The following CLPB variants were observed in gnomAD, a reference collection of about 807,000 sequenced individuals.
CLPB encodes ClpB family mitochondrial disaggregase, also known as mitochondrial disaggregase.
In CLPB, 40 loss-of-function variants were observed where a neutral mutation model predicts 78.4. The ratio of observed to expected loss-of-function variants is 0.51; its 90% CI spans 0.40 to 0.66. The LOEUF (loss-of-function observed/expected upper bound fraction) is 0.66, where lower values mean the gene tolerates loss of function less well. CLPB is among the 30% of genes least tolerant of loss of function. CLPB has a pLI of 0.00. For synonymous variants in CLPB, 333 were observed against 348.0 expected, an observed-to-expected ratio of 0.96 and a Z score of 0.48; for missense variants, 780 against 886.9, an observed-to-expected ratio of 0.88 and a Z score of 1.53.
intron 3 of CLPB, among the ~76,000 whole-genome samples, chr11:72,396,747 T>C (rs547971463): frequency 1.3e-5 from 2 of 152,184 alleles, no homozygotes; most frequent in Non-Finnish European, 2.9e-5. Context: ...TGCATATCAC[T>C]CTAATGTGAG....
chr11:72,350,896 T>A lies in CLPB; in HGVS notation c.775+7984A>T, dbSNP rs534552932. ...TTTAAAGTACACAATTTAGAGGAGG[T>A]TTCTCGTATACTTAGAGAGTTGTGC... is the stretch of plus-strand genomic sequence containing the variant. On this transcript the variant is annotated intron_variant, in intron 5 of 15. Coordinates refer to ENST00000538039, the MANE Select transcript of CLPB (RefSeq NM_001258392.3). Among the ~76,000 whole-genome samples the A allele has an allele frequency of 2.0e-5, 3 of 152,276 alleles. No individual in the cohort carries two copies. In the South Asian group the frequency reaches 6.2e-4, roughly 32 times the overall value.
Position 72,429,573 on chromosome 11 carries a change from G to C in CLPB, c.455+739C>G, listed in dbSNP as rs527588523. ...AGCTCTATATAAATGGCCAAGAGAG[G>C]CCAAGGTTAGGCCCAGTGGGGGGCA... is the stretch of plus-strand genomic sequence containing the variant. On this transcript the variant is annotated intron_variant, in intron 2 of 15. Transcript: ENST00000538039. Among the ~76,000 whole-genome samples the C allele has an allele frequency of 2.0e-5, 3 of 152,304 alleles. No individual in the cohort carries two copies. The South Asian group carries it at 6.2e-4, about 32-fold the overall frequency.
chr11:72,420,587 C>T (rs577721482), intron 2 of CLPB, among the ~76,000 whole-genome samples: 35 of 152,258 alleles, frequency 2.3e-4, no homozygotes, highest in Non-Finnish European at 4.9e-4. Context: ...TGGTCTGCTG[C>T]CCTCCAAAAC....
chr11:72,346,064 C>T (rs536970660), intron 5 of CLPB, among the ~76,000 whole-genome samples: 11 of 152,156 alleles, frequency 7.2e-5, no homozygotes, highest in African/African-American at 2.7e-4. Context: ...CGAAAGAACC[C>T]GTCAGGATTA....
chr11:72,400,773 T>C (rs923997918), intron 3 of CLPB, among the ~76,000 whole-genome samples: 4 of 152,220 alleles, frequency 2.6e-5, no homozygotes, highest in African/African-American at 9.6e-5. Flanking sequence ...CTGTAGCACA[T>C]ACATTACCTT....
At chr11:72,332,245 G>A (rs1378176340) in intron 5 of CLPB, among the ~76,000 whole-genome samples, 1 of 151,820 alleles carries the variant, frequency 6.6e-6, no homozygotes, top group African/African-American at 2.4e-5. Flanking sequence ...CAATTTGGGA[G>A]GCTGAGGTGG....
At chr11:72,355,634 G>A (rs1349232805) in intron 5 of CLPB, among the ~76,000 whole-genome samples, 5 of 152,128 alleles carry the variant, frequency 3.3e-5, no homozygotes, top group Non-Finnish European at 7.3e-5. Context: ...TGGGTAAACT[G>A]GGATTCAAAC....
chr11:72,340,578 AATG>A (rs1348046486), intron 5 of CLPB, among the ~76,000 whole-genome samples: 1 of 152,198 alleles, frequency 6.6e-6, no homozygotes, highest in Non-Finnish European at 1.5e-5. Flanking sequence ...AGGCAAGTTC[AATG>A]GGTAGAATGC....
chr11:72,420,033 G>A (rs1856145977), intron 2 of CLPB, among the ~76,000 whole-genome samples: 1 of 152,146 alleles, frequency 6.6e-6, no homozygotes, highest in Admixed American at 6.6e-5. Flanking sequence ...TACACAGTTT[G>A]CTTAATTTTT....
intron 5 of CLPB, among the ~76,000 whole-genome samples, chr11:72,342,912 A>T (rs1950446785): frequency 6.6e-6 from 1 of 152,220 alleles, no homozygotes; most frequent in African/African-American, 2.4e-5. Flanking sequence ...GGCTGAGGAA[A>T]GGGCACACAA....
At chr11:72,379,138 T>C (rs77776790) in intron 4 of CLPB, among the ~76,000 whole-genome samples, 2,622 of 152,292 alleles carry the variant, frequency 0.017, 67 homozygotes, top group African/African-American at 0.06. Context: ...ACCGCTACTC[T>C]GAGTTACCAC....
rs531048301 is a variant in CLPB at position 72,334,931 on chromosome 11, C to T, written c.776-5127G>A. Among the ~76,000 whole-genome samples, 8 of 152,384 alleles carry T rather than the reference C, an allele frequency of 5.2e-5. No individual in the cohort carries two copies. In the East Asian group the frequency reaches 9.6e-4, roughly 18 times the overall value. Reference sequence around the variant, plus strand: ...GACTGGCTTCCTGGCAGCACTGCTGCGGCTGCGCCTGCCCGCTACAGCTGT... The same window carrying T: ...GACTGGCTTCCTGGCAGCACTGCTGTGGCTGCGCCTGCCCGCTACAGCTGT... On this transcript the variant is annotated intron_variant, in intron 5 of 15. Transcript: ENST00000538039.
intron 2 of CLPB, among the ~76,000 whole-genome samples, chr11:72,407,837 C>T (rs1373213295): frequency 6.6e-6 from 1 of 152,078 alleles, no homozygotes; most frequent in Non-Finnish European, 1.5e-5. Flanking sequence ...TTAGCAGAGA[C>T]GGGGTTTCAC....
intron 4 of CLPB, among the ~76,000 whole-genome samples, chr11:72,377,857 A>G (rs1854764973): frequency 6.6e-6 from 1 of 152,270 alleles, no homozygotes; most frequent in African/African-American, 2.4e-5. Context: ...TTATTGAAAC[A>G]TATCCACATC....
chr11:72,340,980 C>T (rs113505743), intron 5 of CLPB, among the ~76,000 whole-genome samples: 1,569 of 152,226 alleles, frequency 0.01, 30 homozygotes, highest in East Asian at 0.064. Flanking sequence ...CCTGGCACCA[C>T]GCCCGGCTAA....
At position 72,341,637 on chromosome 11, in the gene CLPB, G is replaced by C. The variant is rs118051161; in HGVS notation, c.776-11833C>G. 9.8e-5 allele frequency among the ~76,000 whole-genome samples: 15 copies of C among 152,320 alleles called. No homozygotes were observed. The East Asian group carries it at 2.9e-3, about 29-fold the overall frequency. On this transcript the variant is annotated intron_variant, in intron 5 of 15. Transcript: ENST00000538039. ...TTTGGAGGCAGGAAAAACTATGCTAGGTAGTGAACAGTTCAGTGGGCCATA... is the reference window on the plus strand; with the variant it reads ...TTTGGAGGCAGGAAAAACTATGCTACGTAGTGAACAGTTCAGTGGGCCATA...
chr11:72,434,320 G>C lies in CLPB; in HGVS notation c.155C>G (p.Thr52Ser), dbSNP rs1193989314. The C allele has an allele frequency of 6.2e-7, 1 of 1,612,168 alleles. No homozygotes were observed. The highest frequency in any genetic ancestry group is 8.5e-7 in the Non-Finnish European group (1 of 1,179,782). Residue 52 changes from threonine (T) to serine (S), a missense_variant, in exon 1 of 16, where the codon ACC (threonine) becomes AGC (serine). Around this residue, in one of 3 missense-constraint regions of CLPB, gnomAD observed 417 missense variants for 414.7 expected, o/e 1.01. Coordinates refer to ENST00000538039, the MANE Select transcript of CLPB (RefSeq NM_001258392.3). Reference protein sequence around the residue: ...LGEPQWLRVATGGRPGTSPAL... With the variant: ...LGEPQWLRVASGGRPGTSPAL... ...CGGCGATGTTCCAGGGCGCCCCCCGGTGGCTACCCTCAGCCACTGCGGCTC... is the reference window on the plus strand; with the variant it reads ...CGGCGATGTTCCAGGGCGCCCCCCGCTGGCTACCCTCAGCCACTGCGGCTC...
intron 3 of CLPB, among the ~76,000 whole-genome samples, chr11:72,388,121 AG>A (rs1357010977): frequency 6.6e-6 from 1 of 152,150 alleles, no homozygotes; most frequent in East Asian, 1.9e-4. Context: ...GAGAGTGACT[AG>A]GATCGACCCT....
chr11:72,303,314 G>A (rs1949692623), intron 9 of CLPB, among the ~76,000 whole-genome samples: 1 of 152,206 alleles, frequency 6.6e-6, no homozygotes, highest in African/African-American at 2.4e-5. Context: ...TTCTCAGCGG[G>A]AGGTAGCTAT....
Sources: gnomAD v4.1 joint callset for allele counts (sites outside exome capture counted in the v4.1 genomes callset) on GRCh38, gnomAD v4.1.1 for gene constraint, gnomAD v4.1.1 regional missense constraint, MANE v1.5 for transcripts, NCBI Gene and HGNC (gene_info 2026-07-23, HGNC 2026-07-21) for gene names.